CHKA: variants seen among roughly 807,000 people sequenced by gnomAD.
CHKA encodes choline kinase alpha, also known as CHETK-alpha.
In CHKA, 34 loss-of-function variants were observed where a neutral mutation model predicts 60.1. That is an observed-to-expected ratio of 0.57 (90% confidence interval 0.43 to 0.75). CHKA has a LOEUF of 0.75. CHKA is among the 30% of genes least tolerant of loss of function. The pLI is 0.00. For synonymous variants in CHKA, 217 were observed against 223.1 expected (o/e 0.97, Z 0.24); for missense variants, 563 against 561.3 (o/e 1.00, Z -0.03).
At chr11:68,086,010 C>T (rs1192589478) in intron 2 of CHKA, among the ~76,000 whole-genome samples, 3 of 152,012 alleles carry the variant, frequency 2.0e-5, no homozygotes, top group East Asian at 1.9e-4. Flanking sequence ...AAATGTTCTA[C>T]TTCATGCTTT....
chr11:68,101,964 G>A (rs898347867), intron 1 of CHKA, among the ~76,000 whole-genome samples: 3 of 151,988 alleles, frequency 2.0e-5, no homozygotes, highest in African/African-American at 7.3e-5. Context: ...GCTGGGCATG[G>A]TGGTGGGCGC....
intron 2 of CHKA, among the ~76,000 whole-genome samples, chr11:68,095,938 G>A (rs1485472011): frequency 6.6e-6 from 1 of 151,150 alleles, no homozygotes; most frequent in Non-Finnish European, 1.5e-5. Context: ...TACTCGGAAA[G>A]CTGAGGCAGG....
chr11:68,095,735 C>CAA (rs1329784515), intron 2 of CHKA, among the ~76,000 whole-genome samples: 2 of 77,120 alleles, frequency 2.6e-5, no homozygotes, highest in African/African-American at 5.2e-5. Context: ...AAAAAAAAAA[C>CAA]AACAGGTATC....
intron 2 of CHKA, among the ~76,000 whole-genome samples, chr11:68,096,285 C>T (rs1379859826): frequency 1.3e-5 from 2 of 152,068 alleles, no homozygotes; most frequent in East Asian, 3.9e-4. Flanking sequence ...CACTTGAACC[C>T]GGGAGGCAGA....
chr11:68,086,247 G>A (rs946424062), intron 2 of CHKA, among the ~76,000 whole-genome samples: 7 of 152,046 alleles, frequency 4.6e-5, no homozygotes, highest in African/African-American at 1.4e-4. Context: ...CCAGGAGGCC[G>A]AGGTTGCAGT....
chr11:68,100,970 C>T (rs1231748512), intron 1 of CHKA, among the ~76,000 whole-genome samples: 79 of 97,074 alleles, frequency 8.1e-4, no homozygotes, highest in African/African-American at 2.5e-3. Flanking sequence ...TTTTTTGAGA[C>T]GGAGTCTCAC....
At chr11:68,092,887 C>G (rs554785901) in intron 2 of CHKA, among the ~76,000 whole-genome samples, 1 of 151,950 alleles carries the variant, frequency 6.6e-6, no homozygotes, top group South Asian at 2.1e-4. Flanking sequence ...ACCTAAGAAG[C>G]AAAGAAATAG....
intron 1 of CHKA, among the ~76,000 whole-genome samples, chr11:68,104,976 T>C (rs949898411): frequency 1.3e-5 from 2 of 151,350 alleles, no homozygotes; most frequent in East Asian, 2.0e-4. Flanking sequence ...TGGTGGCACA[T>C]GTCTGTAATC....
At chr11:68,061,895 A>G (rs1015774590) in intron 11 of CHKA, 58 bp downstream of exon 11, 2 of 1,177,126 alleles carry the variant, frequency 1.7e-6, no homozygotes, top group Admixed American at 2.2e-5. Flanking sequence ...CAAATACTAT[A>G]GCATTTTTAC....
At chr11:68,096,865 G>A (rs1202745586) in intron 2 of CHKA, among the ~76,000 whole-genome samples, 154 bp downstream of exon 2, 1 of 152,170 alleles carries the variant, frequency 6.6e-6, no homozygotes, top group East Asian at 1.9e-4. Context: ...AAACCAAGCT[G>A]TGCAGCCCAA....
chr11:68,085,748 T>G (rs904747008), intron 2 of CHKA, among the ~76,000 whole-genome samples: 23 of 152,058 alleles, frequency 1.5e-4, no homozygotes, highest in Non-Finnish European at 2.9e-5. Context: ...TTTAAGGCTT[T>G]GGGGTTTTTT....
intron 3 of CHKA, among the ~76,000 whole-genome samples, chr11:68,079,681 T>A (rs1419560854): frequency 2.0e-5 from 3 of 152,098 alleles, no homozygotes; most frequent in Non-Finnish European, 4.4e-5. Context: ...TGGTATGAAA[T>A]AAAAGGTTAA....
intron 1 of CHKA, among the ~76,000 whole-genome samples, chr11:68,103,225 C>T (rs1025530018): frequency 5.9e-5 from 9 of 152,144 alleles, no homozygotes; most frequent in South Asian, 2.1e-4. Flanking sequence ...GTAGGTAGCA[C>T]GTGCCTGCAG....
chr11:68,095,794 C>T (rs1211784651), intron 2 of CHKA, among the ~76,000 whole-genome samples: 1 of 149,494 alleles, frequency 6.7e-6, no homozygotes, highest in Non-Finnish European at 1.5e-5. Context: ...GTAATCCCAG[C>T]ACCGCGAGAG....
intron 1 of CHKA, among the ~76,000 whole-genome samples, chr11:68,116,712 C>CT (rs1169516992): frequency 6.8e-6 from 1 of 147,898 alleles, no homozygotes; most frequent in East Asian, 2.0e-4. Flanking sequence ...GCAAGACTGT[C>CT]TTAAAAAAAA....
chr11:68,113,107 A>AAAAAAAAAAAAAAAC (rs1858236918), intron 1 of CHKA, among the ~76,000 whole-genome samples: 1 of 145,972 alleles, frequency 6.9e-6, no homozygotes, highest in Non-Finnish European at 1.5e-5. Context: ...AAAAAAAAAA[A>AAAAAAAAAAAAAAAC]AAAGAAGCTG....
At chr11:68,108,267 T>TGG (rs1210014832) in intron 1 of CHKA, among the ~76,000 whole-genome samples, 1 of 152,052 alleles carries the variant, frequency 6.6e-6, no homozygotes, top group African/African-American at 2.4e-5. Context: ...GCAGTTGAGC[T>TGG]ATGATCCCAC....
chr11:68,072,699 A>C (rs888321427), intron 4 of CHKA, among the ~76,000 whole-genome samples: 1 of 152,166 alleles, frequency 6.6e-6, no homozygotes, highest in African/African-American at 2.4e-5. Flanking sequence ...TTTTAAAAAA[A>C]TCTTCACTAT....
At chr11:68,089,860 G>A (rs1171006780) in intron 2 of CHKA, 1 of 152,146 alleles carries the variant, frequency 6.6e-6, no homozygotes, top group Non-Finnish European at 1.5e-5. Flanking sequence ...GAGTGCTCCA[G>A]GCACGATCGC....
Sources: allele counts gnomAD v4.1 joint callset (sites outside exome capture counted in the v4.1 genomes callset), GRCh38; gene constraint gnomAD v4.1.1; transcripts MANE v1.5; gene names NCBI Gene and HGNC (gene_info 2026-07-23, HGNC 2026-07-21).